Variants in RNF130 observed in about 807,000 individuals in gnomAD.
RNF130 encodes the protein E3 ubiquitin-protein ligase RNF130.
RNF130 carries 21 observed loss-of-function variants against 44.6 expected under a neutral mutation model. The ratio of observed to expected loss-of-function variants is 0.47; its 90% CI spans 0.33 to 0.68. RNF130 has a LOEUF of 0.68. Ranked by LOEUF, RNF130 falls within the 30% of genes least tolerant of loss-of-function variation. The probability of loss-of-function intolerance (pLI) is 0.02; values close to 1 mark genes in which losing one functional copy is unlikely to be tolerated. For synonymous variants in RNF130, 214 were observed against 210.4 expected (o/e 1.02, Z -0.15); for missense variants, 479 against 560.6 (o/e 0.85, Z 1.47).
chr5:179,957,939 G>A (rs568603634), intron 8 of RNF130, among the ~76,000 whole-genome samples: 86 of 151,420 alleles, frequency 5.7e-4, no homozygotes, highest in African/African-American at 2.0e-3. Flanking sequence ...GTGCAGTGGC[G>A]GGATCTCGGC....
Position 179,977,240 on chromosome 5 carries a change from C to T in RNF130, c.848+963G>A, listed in dbSNP as rs1247849988. The T allele has an allele frequency of 6.6e-6, 1 of 152,302 alleles. No homozygotes were observed. Among genetic ancestry groups the T allele is most frequent in the Non-Finnish European group, 1.5e-5 (1 of 68,118 alleles). 9.4% of individuals were successfully genotyped at this position (152,302 alleles called of 1,614,324 possible). ...GTCTGCTCAGAGCAGAGCATCTGAA[C>T]CACAGCAGGCACAAAGCAGGTATCA... On this transcript the variant is annotated intron_variant, in intron 5 of 8. Coordinates refer to ENST00000521389, the MANE Select transcript of RNF130 (RefSeq NM_018434.6). This position sits in a 1 kb window ranked among gnomAD's most constrained non-coding sequence, Gnocchi z 4.1.
intron 7 of RNF130, among the ~76,000 whole-genome samples, chr5:179,946,126 A>ATGG (rs983493516): frequency 1.3e-5 from 2 of 152,234 alleles, no homozygotes; most frequent in African/African-American, 4.8e-5. Flanking sequence ...ATAAGCCCCA[A>ATGG]GCTCCTAGGG....
intron 1 of RNF130, among the ~76,000 whole-genome samples, chr5:180,046,460 G>C (rs28754309): frequency 0.15 from 23,104 of 152,140 alleles, 1,934 homozygotes; most frequent in Admixed American, 0.19. Flanking sequence ...TCTTAGAAAT[G>C]TAAACACGCC....
intron 7 of RNF130, among the ~76,000 whole-genome samples, chr5:179,929,005 T>C (rs1313003318): frequency 1.3e-5 from 2 of 152,214 alleles, no homozygotes; most frequent in Admixed American, 6.5e-5. Context: ...ATTTTATGGT[T>C]AGGGCTTTTT....
exon 8 of RNF130, chr5:179,915,175 A>G (rs1761524790): frequency 6.6e-6 from 1 of 151,678 alleles, no homozygotes; most frequent in Non-Finnish European, 1.5e-5. Context: ...TAAAAATACA[A>G]AAAATTAGCT....
intron 1 of RNF130, among the ~76,000 whole-genome samples, chr5:180,068,257 G>A (rs1765153051): frequency 6.6e-6 from 1 of 152,194 alleles, no homozygotes; most frequent in African/African-American, 2.4e-5. Flanking sequence ...CCCTAGCTAG[G>A]CTGCTCCGCA....
chr5:180,044,060 A>G (rs1308062083), intron 1 of RNF130, among the ~76,000 whole-genome samples: 1 of 152,212 alleles, frequency 6.6e-6, no homozygotes, highest in Admixed American at 6.5e-5. Context: ...AAGTAGTATT[A>G]CTCCAAAATT....
intron 4 of RNF130, among the ~76,000 whole-genome samples, chr5:179,979,543 A>G (rs1437559738): frequency 1.3e-5 from 2 of 151,992 alleles, no homozygotes; most frequent in Non-Finnish European, 2.9e-5. Flanking sequence ...GAATACTCTG[A>G]ATGTAGGGGC....
At chr5:179,950,162 G>C (rs1762104653), downstream of RNF130, among the ~76,000 whole-genome samples, 1 of 152,000 alleles carries the variant, frequency 6.6e-6, no homozygotes, top group Non-Finnish European at 1.5e-5. Flanking sequence ...CTGGGTGATG[G>C]AGTGAAATGG....
chr5:180,058,802 T>A (rs1764901464), intron 1 of RNF130, among the ~76,000 whole-genome samples: 1 of 152,128 alleles, frequency 6.6e-6, no homozygotes, highest in Admixed American at 6.6e-5. Context: ...CCTCAAGTGA[T>A]CTGCCCACCT....
intron 3 of RNF130, among the ~76,000 whole-genome samples, chr5:179,998,990 C>G (rs1166303884): frequency 1.3e-5 from 2 of 149,090 alleles, no homozygotes; most frequent in East Asian, 3.9e-4. Flanking sequence ...TCTTCTTTGT[C>G]TTTTATTTTT....
chr5:180,030,839 G>A (rs1439812510), intron 2 of RNF130, among the ~76,000 whole-genome samples: 2 of 152,144 alleles, frequency 1.3e-5, no homozygotes, highest in Non-Finnish European at 2.9e-5. Context: ...ATGCTTTTGA[G>A]GTTTATCCAT....
chr5:179,944,900 A>C (rs248321), intron 7 of RNF130, among the ~76,000 whole-genome samples: 116,002 of 152,082 alleles, frequency 0.76, 44,738 homozygotes, highest in African/African-American at 0.86. Flanking sequence ...GTTTCCAGAT[A>C]AGGCACATAT....
At chr5:179,946,715 G>A (rs1443537610) in intron 7 of RNF130, among the ~76,000 whole-genome samples, 17 of 151,628 alleles carry the variant, frequency 1.1e-4, no homozygotes, top group African/African-American at 3.1e-4. Context: ...CACCACGCCC[G>A]GCTAATTTTT....
intron 3 of RNF130, among the ~76,000 whole-genome samples, chr5:180,009,331 A>C (rs879578674): frequency 4.6e-5 from 7 of 152,234 alleles, no homozygotes; most frequent in Non-Finnish European, 1.0e-4. Context: ...ACTGGGAGAT[A>C]ATCTCTGCAA....
chr5:179,952,543 A>G (rs1561666941), downstream of RNF130, among the ~76,000 whole-genome samples: 2 of 152,226 alleles, frequency 1.3e-5, no homozygotes, highest in South Asian at 2.1e-4. Flanking sequence ...TAAGGACATG[A>G]TAAGAATTAA....
intron 2 of RNF130, among the ~76,000 whole-genome samples, chr5:180,018,345 C>T (rs1273585452): frequency 6.6e-6 from 1 of 151,590 alleles, no homozygotes; most frequent in East Asian, 1.9e-4. Flanking sequence ...GTTTAATTGA[C>T]ACACAGTTCC....
intron 6 of RNF130, among the ~76,000 whole-genome samples, chr5:179,969,717 C>G (rs971623255): frequency 1.3e-5 from 2 of 150,964 alleles, no homozygotes; most frequent in South Asian, 4.2e-4. Flanking sequence ...TGGCCAGGCA[C>G]GGTGGCTCAC....
chr5:179,991,753 T>C (rs1184657982), intron 3 of RNF130, among the ~76,000 whole-genome samples: 2 of 152,106 alleles, frequency 1.3e-5, no homozygotes, highest in Admixed American at 1.3e-4. Context: ...CCTTTATTTC[T>C]ATTATTATTA....
Sources: gnomAD v4.1 joint callset for allele counts (sites outside exome capture counted in the v4.1 genomes callset) on GRCh38, gnomAD v4.1.1 for gene constraint, Gnocchi (gnomAD v3.1) non-coding constraint, MANE v1.5 for transcripts, NCBI Gene and HGNC (gene_info 2026-07-23, HGNC 2026-07-21) for gene names.